SRPK2: variants seen among roughly 807,000 people sequenced by gnomAD.
SRPK2 encodes the protein SRSF protein kinase 2, also known as SFRS protein kinase 2.
SRPK2 carries 21 observed loss-of-function variants against 90.8 expected under a neutral mutation model. The observed-to-expected ratio is 0.23, with a 90% CI of 0.16 to 0.33. SRPK2 has a LOEUF of 0.33. Ranked by LOEUF, SRPK2 falls within the 10% of genes least tolerant of loss-of-function variation. The probability of loss-of-function intolerance (pLI) is 1.00; values close to 1 mark genes in which losing one functional copy is unlikely to be tolerated. For synonymous variants in SRPK2, 288 were observed against 311.1 expected (o/e 0.93, Z 0.78); for missense variants, 620 against 869.0 (o/e 0.71, Z 3.60).
intron 2 of SRPK2, among the ~76,000 whole-genome samples, chr7:105,265,025 A>G (rs1239428576): frequency 6.6e-6 from 1 of 152,202 alleles, no homozygotes; most frequent in Non-Finnish European, 1.5e-5. Flanking sequence ...ATAGTACGGT[A>G]AAGTACCTTC....
intron 2 of SRPK2, among the ~76,000 whole-genome samples, chr7:105,216,214 G>C (rs1235802033): frequency 1.3e-5 from 2 of 152,016 alleles, no homozygotes; most frequent in Non-Finnish European, 2.9e-5. Context: ...CAAAAATAAT[G>C]AAACACTTCT....
intron 2 of SRPK2, among the ~76,000 whole-genome samples, chr7:105,252,169 A>G (rs1020280265): frequency 1.3e-5 from 2 of 152,240 alleles, no homozygotes; most frequent in Non-Finnish European, 2.9e-5. Context: ...AAAATAAAAA[A>G]TGCTCAAAAT....
intron 2 of SRPK2, among the ~76,000 whole-genome samples, chr7:105,295,991 A>C (rs2131145428): frequency 6.6e-6 from 1 of 152,314 alleles, no homozygotes. Context: ...TACCCAATTT[A>C]ACCCCAAAAG....
chr7:105,247,531 AACAC>A (rs59040708), intron 2 of SRPK2, among the ~76,000 whole-genome samples: 83 of 145,254 alleles, frequency 5.7e-4, no homozygotes, highest in Middle Eastern at 3.4e-3. Context: ...CACACACATA[AACAC>A]ACACACACAC....
In SRPK2 at chr7:105,117,915, T is replaced by C; in HGVS notation, c.2023A>G (p.Ile675Val). The change falls in exon 16 of 16, where the codon ATC becomes GTC. Residue 675 changes from isoleucine (I) to valine (V), a missense_variant. By Grantham distance (29) the Ile-to-Val change is conservative. Coordinates refer to ENST00000393651, the MANE Select transcript of SRPK2 (RefSeq NM_182692.3). ...TCTGGAACCATTTCTAACATCGGGA[T>C]CAGGAAATCTGTAAACTGTGCAGCA... ...EDAAQFTDFL[I>V]PMLEMVPEKR... The C allele has an allele frequency of 6.2e-7, 1 of 1,614,106 alleles. No individual in the cohort carries two copies. Among genetic ancestry groups the C allele is most frequent in the Non-Finnish European group, 8.5e-7 (1 of 1,180,026 alleles).
chr7:105,374,781 G>A (rs1820098840), intron 2 of SRPK2, among the ~76,000 whole-genome samples: 1 of 152,024 alleles, frequency 6.6e-6, no homozygotes, highest in Admixed American at 6.6e-5. Flanking sequence ...AGCTATTTTT[G>A]TGTTTTTAGT....
At chr7:105,322,794 T>C (rs192682689) in intron 2 of SRPK2, among the ~76,000 whole-genome samples, 315 of 151,712 alleles carry the variant, frequency 2.1e-3, no homozygotes, top group Non-Finnish European at 3.4e-3. Flanking sequence ...AGCTAGTCTA[T>C]ACAATCTCCA....
rs759068376 is a variant in SRPK2 at position 105,142,111 on chromosome 7, A to G, written c.1440T>C (p.Ser480=). 6.2e-7 allele frequency: 1 copy of G among 1,614,202 alleles called. No homozygotes were observed. The highest frequency in any genetic ancestry group is 1.7e-5 in the Admixed American group (1 of 60,024). The change falls in exon 11 of 16, where the codon TCT becomes TCC. Residue 480 remains serine, a synonymous_variant. Coordinates refer to ENST00000393651, the MANE Select transcript of SRPK2 (RefSeq NM_182692.3). ...SGSLEPVACG[S]VLSEGSPLTE... is the part of the protein sequence containing the mutation. ...TAAGTGGTGATCCCTCAGAAAGCAC[A>G]GAGCCGCAGGCCACAGGTTCTAAGG...
At chr7:105,124,794 A>T (rs942423968) in intron 15 of SRPK2, among the ~76,000 whole-genome samples, 11 of 152,032 alleles carry the variant, frequency 7.2e-5, no homozygotes, top group Non-Finnish European at 1.3e-4. Flanking sequence ...CCAAAAAAAA[A>T]ATCTAACCTG....
At chr7:105,163,459 T>C (rs1195478863) in intron 6 of SRPK2, among the ~76,000 whole-genome samples, 2 of 152,066 alleles carry the variant, frequency 1.3e-5, no homozygotes, top group Non-Finnish European at 2.9e-5. Context: ...ATGTTGAAGA[T>C]GAAGCCTGCA....
At chr7:105,126,058 G>T (rs1801155561) in intron 15 of SRPK2, among the ~76,000 whole-genome samples, 190 bp downstream of exon 15, 2 of 152,234 alleles carry the variant, frequency 1.3e-5, no homozygotes. Flanking sequence ...AGAGGGGCTG[G>T]TGAACAGGGT....
intron 3 of SRPK2, among the ~76,000 whole-genome samples, chr7:105,176,996 T>TG (rs1442882139): frequency 6.6e-6 from 1 of 152,164 alleles, no homozygotes; most frequent in Non-Finnish European, 1.5e-5. Flanking sequence ...ACTTTTCTAA[T>TG]GGACTGTCAT....
At chr7:105,379,684 G>A (rs1820716513) in intron 2 of SRPK2, among the ~76,000 whole-genome samples, 2 of 152,080 alleles carry the variant, frequency 1.3e-5, no homozygotes, top group African/African-American at 4.8e-5. Flanking sequence ...GTACAATTAA[G>A]ACGAATGCAC....
At chr7:105,311,293 C>T (rs1050554908) in intron 2 of SRPK2, among the ~76,000 whole-genome samples, 1 of 151,960 alleles carries the variant, frequency 6.6e-6, no homozygotes, top group South Asian at 2.1e-4. Context: ...AGTACAATGG[C>T]GCGATCTGGA....
At chr7:105,206,960 T>C (rs1796302555) in intron 2 of SRPK2, among the ~76,000 whole-genome samples, 1 of 152,198 alleles carries the variant, frequency 6.6e-6, no homozygotes, top group Non-Finnish European at 1.5e-5. Flanking sequence ...TCATACTAAT[T>C]ATCACCAATA....
rs1814666446 is a variant in SRPK2 at position 105,333,284 on chromosome 7, TAAC to T, written c.71+55361_71+55363del. Reference sequence around the variant, plus strand: ...GTATGAAATGTTACATTGGAAATTATAACAATATAGGTTGGATAATACCCAGAA... The same window carrying T: ...GTATGAAATGTTACATTGGAAATTATAATATAGGTTGGATAATACCCAGAA... On this transcript the variant is annotated intron_variant, in intron 2 of 15. Coordinates refer to ENST00000393651, the MANE Select transcript of SRPK2 (RefSeq NM_182692.3). Among the ~76,000 whole-genome samples the T allele has an allele frequency of 3.3e-5, 5 of 152,318 alleles. No homozygotes were observed. The East Asian group carries it at 9.6e-4, about 29-fold the overall frequency.
intron 15 of SRPK2, among the ~76,000 whole-genome samples, chr7:105,119,463 T>C (rs1800022156): frequency 6.6e-6 from 1 of 152,208 alleles, no homozygotes; most frequent in African/African-American, 2.4e-5. Context: ...CTAGTATGTC[T>C]ACAAAGTTGC....
At chr7:105,272,927 T>C (rs573761472) in intron 2 of SRPK2, among the ~76,000 whole-genome samples, 50 of 152,178 alleles carry the variant, frequency 3.3e-4, no homozygotes, top group Middle Eastern at 6.8e-3. Context: ...TTGAAATATC[T>C]TTCCCGGCCG....
intron 2 of SRPK2, chr7:105,306,547 C>G (rs1811164674): frequency 4.5e-6 from 2 of 443,850 alleles, no homozygotes; most frequent in Non-Finnish European, 4.5e-6. Context: ...GTCTTCTACC[C>G]TTGAAGCAGC....
Sources: gnomAD v4.1 joint callset for allele counts (sites outside exome capture counted in the v4.1 genomes callset) on GRCh38, gnomAD v4.1.1 for gene constraint, MANE v1.5 for transcripts, NCBI Gene and HGNC (gene_info 2026-07-23, HGNC 2026-07-21) for gene names.